SVEP1: variants seen among roughly 807,000 people sequenced by gnomAD.
The protein encoded by SVEP1 is sushi, von Willebrand factor type A, EGF and pentraxin domain containing 1.
SVEP1 carries 164 observed loss-of-function variants against 367.3 expected under a neutral mutation model. The observed-to-expected ratio is 0.45, with a 90% CI of 0.39 to 0.51. The LOEUF (loss-of-function observed/expected upper bound fraction) is 0.51. Among genes scored for constraint, SVEP1 ranks in the 20% least tolerant of loss-of-function variants. SVEP1 has a pLI of 0.00. For missense variants in SVEP1, 4,117 were observed against 4,425.3 expected (o/e 0.93, Z 1.98); for synonymous variants, 1,666 against 1,611.6 (o/e 1.03, Z -0.81).
chr9:110,433,465 CTTTT>C (rs11300153), intron 30 of SVEP1, among the ~76,000 whole-genome samples: 28,930 of 119,830 alleles, frequency 0.24, 3,757 homozygotes, highest in East Asian at 0.42. Flanking sequence ...TTTTGTATTA[CTTTT>C]TTTTTTTTTT....
At chr9:110,560,504 CAT>C (rs1226904492) in intron 1 of SVEP1, among the ~76,000 whole-genome samples, 2 of 152,164 alleles carry the variant, frequency 1.3e-5, no homozygotes, top group Non-Finnish European at 2.9e-5. Flanking sequence ...TGGGCAGTAT[CAT>C]GTGAACTCAG....
intron 8 of SVEP1, among the ~76,000 whole-genome samples, chr9:110,496,477 T>C (rs375921423): frequency 6.6e-6 from 1 of 152,204 alleles, no homozygotes; most frequent in Non-Finnish European, 1.5e-5. Context: ...TGGACTTTTG[T>C]ACTTATATCA....
At chr9:110,502,384 G>C (rs907675426) in intron 6 of SVEP1, among the ~76,000 whole-genome samples, 5 of 151,988 alleles carry the variant, frequency 3.3e-5, no homozygotes, top group African/African-American at 4.8e-5. Flanking sequence ...TTACAGGCGT[G>C]AGCCACCTTG....
intron 42 of SVEP1, among the ~76,000 whole-genome samples, chr9:110,386,840 C>T (rs1216251480): frequency 6.6e-6 from 1 of 152,234 alleles, no homozygotes; most frequent in African/African-American, 2.4e-5. Context: ...TTCTACGTTG[C>T]TTGTGAATAT....
chr9:110,514,932 GA>G (rs1217922757), intron 3 of SVEP1, among the ~76,000 whole-genome samples: 1 of 152,150 alleles, frequency 6.6e-6, no homozygotes, highest in Non-Finnish European at 1.5e-5. Context: ...GAGAAAGGAT[GA>G]GGAGAAAGTG....
intron 1 of SVEP1, among the ~76,000 whole-genome samples, chr9:110,566,031 C>G (rs1023789920): frequency 1.3e-5 from 2 of 151,890 alleles, no homozygotes; most frequent in African/African-American, 4.8e-5. Flanking sequence ...TAATAATAAC[C>G]TAACCGGCCA....
intron 5 of SVEP1, among the ~76,000 whole-genome samples, chr9:110,511,320 G>A (rs1436854088): frequency 1.3e-5 from 2 of 151,900 alleles, no homozygotes; most frequent in Non-Finnish European, 2.9e-5. Context: ...TCTCTCTCTG[G>A]ATTCCTCACG....
At chr9:110,511,488 C>CTTTTTTTTTTTTTTTTTTTTTTTTT (rs199993986) in intron 5 of SVEP1, among the ~76,000 whole-genome samples, 4 of 77,574 alleles carry the variant, frequency 5.2e-5, no homozygotes, top group African/African-American at 1.3e-4. Context: ...GTGTCAGTAC[C>CTTTTTTTTTTTTTTTTTTTTTTTTT]TTTTTTTTTT....
intron 8 of SVEP1, among the ~76,000 whole-genome samples, 171 bp downstream of exon 8, chr9:110,496,644 T>C (rs1338828440): frequency 1.3e-5 from 2 of 152,200 alleles, no homozygotes; most frequent in Non-Finnish European, 2.9e-5. Flanking sequence ...TGTGAGTCAA[T>C]AGTCCTTAAT....
At chr9:110,472,062 T>C in intron 15 of SVEP1, 97 bp downstream of exon 15, 1 of 1,249,798 alleles carries the variant, frequency 8.0e-7, no homozygotes, top group Non-Finnish European at 1.1e-6. Flanking sequence ...CCAGAGTCAT[T>C]TCCTAATAAT....
intron 35 of SVEP1, 139 bp from the exon 36 acceptor site, chr9:110,427,897 G>T: frequency 3.9e-6 from 4 of 1,012,760 alleles, no homozygotes; most frequent in South Asian, 3.5e-5. Context: ...ATATTAGATT[G>T]CTTTATATGA....
intron 3 of SVEP1, among the ~76,000 whole-genome samples, chr9:110,537,395 A>C (rs1274887678): frequency 6.6e-6 from 1 of 152,016 alleles, no homozygotes; most frequent in Non-Finnish European, 1.5e-5. Context: ...AAAGTATCAA[A>C]ATGTATAACA....
intron 9 of SVEP1, among the ~76,000 whole-genome samples, chr9:110,488,715 A>AC (rs1829323615): frequency 6.6e-6 from 1 of 151,722 alleles, no homozygotes; most frequent in Non-Finnish European, 1.5e-5. Context: ...TTAAAAAAAA[A>AC]CAAAACAAAT....
intron 17 of SVEP1, among the ~76,000 whole-genome samples, chr9:110,466,742 C>A (rs1191351507): frequency 5.1e-5 from 3 of 59,374 alleles, no homozygotes; most frequent in Non-Finnish European, 8.6e-5. Flanking sequence ...GCCTGGGCGA[C>A]AGAGCGAGAC....
intron 21 of SVEP1, among the ~76,000 whole-genome samples, chr9:110,456,947 G>A (rs904084442): frequency 1.3e-5 from 2 of 152,158 alleles, no homozygotes; most frequent in African/African-American, 4.8e-5. Context: ...TGAGTATCAT[G>A]CATATAATTT....
At chr9:110,567,950 G>A (rs1406338048) in intron 1 of SVEP1, among the ~76,000 whole-genome samples, 1 of 152,198 alleles carries the variant, frequency 6.6e-6, no homozygotes, top group East Asian at 1.9e-4. Flanking sequence ...GGCAGTGACT[G>A]ACATGAGGTA....
chr9:110,570,104 G>C (rs763744508), intron 1 of SVEP1, among the ~76,000 whole-genome samples: 10 of 152,128 alleles, frequency 6.6e-5, no homozygotes, highest in African/African-American at 9.7e-5. Flanking sequence ...CTCCAAACCA[G>C]AGCAGGTTAC....
chr9:110,465,913 T>C lies in SVEP1; in HGVS notation c.3274A>G (p.Asn1092Asp). ...GSRSCLSCPE[N>D]TSTVKRGAVN... ...GCTCCTCTTTTCACAGTTGAGGTGT[T>C]TTCTGGACACGAGAGGCAGCTCCGG... Residue 1092 changes from asparagine to aspartate, a missense_variant, in exon 18 of 48, where the codon AAC becomes GAC. Physicochemically the swap from Asn to Asp is conservative, Grantham distance 23. Around this residue, in one of 4 missense-constraint regions of SVEP1, gnomAD observed 2,174 missense variants for 2,494.3 expected, o/e 0.87. Coordinates refer to ENST00000374469, the MANE Select transcript of SVEP1 (RefSeq NM_153366.4). 1.2e-6 allele frequency: 2 copies of C among 1,613,210 alleles called. No individual in the cohort carries two copies. The highest frequency in any genetic ancestry group is 1.7e-6 in the Non-Finnish European group (2 of 1,179,580).
In SVEP1 at chr9:110,483,568, A is replaced by G; in HGVS notation, c.2038+18T>C. 1 of 1,583,980 alleles carries G rather than the reference A, an allele frequency of 6.3e-7. No homozygotes were observed. The highest frequency in any genetic ancestry group is 8.6e-7 in the Non-Finnish European group (1 of 1,165,880). On this transcript the variant is annotated intron_variant, in intron 10 of 47. Transcript: ENST00000374469. Reference sequence around the variant, plus strand: ...ATTCATTGCTACTATGCTGACAACAAAGTCCTTGTCACCTCACCTGAGTTG... The same window carrying G: ...ATTCATTGCTACTATGCTGACAACAGAGTCCTTGTCACCTCACCTGAGTTG...
Sources: gnomAD v4.1 joint callset for allele counts (sites outside exome capture counted in the v4.1 genomes callset) on GRCh38, gnomAD v4.1.1 for gene constraint, gnomAD v4.1.1 regional missense constraint, MANE v1.5 for transcripts, NCBI Gene and HGNC (gene_info 2026-07-23, HGNC 2026-07-21) for gene names.